Variants in VOPP1 observed in about 807,000 individuals in gnomAD.
The protein encoded by VOPP1 is VOPP1 WW domain binding protein.
A neutral mutation model predicts 23.5 loss-of-function variants in VOPP1; 8 were observed. The observed-to-expected ratio is 0.34, with a 90% CI of 0.20 to 0.61. The LOEUF is 0.61. VOPP1 is among the 20% of genes least tolerant of loss of function. The pLI is 0.78. For missense variants in VOPP1, 174 were observed against 238.1 expected, an observed-to-expected ratio of 0.73 and a Z score of 1.77; for synonymous variants, 83 against 97.3, an observed-to-expected ratio of 0.85 and a Z score of 0.86.
At chr7:55,525,210 G>T (rs534489464) in intron 1 of VOPP1, among the ~76,000 whole-genome samples, 4 of 152,060 alleles carry the variant, frequency 2.6e-5, no homozygotes, top group African/African-American at 7.2e-5. Flanking sequence ...CAGACTCTCG[G>T]CCGGGCGCGG....
At chr7:55,459,279 A>G (rs1417365773) in intron 4 of VOPP1, among the ~76,000 whole-genome samples, 1 of 152,034 alleles carries the variant, frequency 6.6e-6, no homozygotes, top group Admixed American at 6.6e-5. Context: ...GCTTGCTAGC[A>G]TTTTGTTGAT....
chr7:55,555,728 C>T (rs948643618), intron 1 of VOPP1, among the ~76,000 whole-genome samples: 8 of 152,162 alleles, frequency 5.3e-5, no homozygotes, highest in Admixed American at 6.5e-5. Flanking sequence ...ACTGACACAG[C>T]AGGAGGCTCT....
At chr7:55,569,104 C>G (rs1584139486) in intron 1 of VOPP1, among the ~76,000 whole-genome samples, 2 of 152,308 alleles carry the variant, frequency 1.3e-5, no homozygotes, top group East Asian at 3.9e-4. Context: ...ACTGGCTGTG[C>G]ATGTAATTCA....
Position 55,552,572 on chromosome 7 carries a change from AG to A in VOPP1, c.54+19698del, listed in dbSNP as rs1406276040. 3 of 1,533,176 alleles carry A rather than the reference AG, an allele frequency of 2.0e-6. No individual in the cohort carries two copies. The Admixed American group carries it at 5.9e-5, about 30-fold the overall frequency. The allele number at this position is 1,533,176 out of a possible 1,614,324, so 95.0% of individuals were successfully genotyped here. On this transcript the variant is annotated intron_variant, in intron 1 of 4. Coordinates refer to ENST00000285279, the MANE Select transcript of VOPP1 (RefSeq NM_030796.5). ...TTTCCCAGGGTGACAAATGAAGTCT[AG>A]GAAAACGCTAAGTGATTGATGCCTC...
chr7:55,503,691 G>A (rs1315726301), intron 2 of VOPP1, among the ~76,000 whole-genome samples: 1 of 152,152 alleles, frequency 6.6e-6, no homozygotes, highest in Admixed American at 6.5e-5. Flanking sequence ...ACAGGGTTGG[G>A]GGTCTCTGTA....
chr7:55,491,539 C>T (rs1218038070), intron 4 of VOPP1, among the ~76,000 whole-genome samples: 1 of 152,194 alleles, frequency 6.6e-6, no homozygotes, highest in African/African-American at 2.4e-5. Flanking sequence ...CTCTGATGAG[C>T]CGAGCCAGCC....
chr7:55,493,866 C>A (rs76839959), intron 3 of VOPP1, among the ~76,000 whole-genome samples: 70 of 152,274 alleles, frequency 4.6e-4, no homozygotes, highest in African/African-American at 1.6e-3. Context: ...CTATTTTAAT[C>A]ATTTTTAAGT....
intron 4 of VOPP1, among the ~76,000 whole-genome samples, chr7:55,473,663 C>T (rs1026055857): frequency 1.3e-5 from 2 of 152,206 alleles, no homozygotes; most frequent in African/African-American, 4.8e-5. Context: ...GCTGGACACC[C>T]GACCCCAAAT....
At chr7:55,521,737 G>A in intron 1 of VOPP1, 2 of 982,550 alleles carry the variant, frequency 2.0e-6, no homozygotes, top group Non-Finnish European at 2.4e-6. Flanking sequence ...CACAGGGCAG[G>A]GCAGGGCAGG....
chr7:55,537,577 C>T (rs1300716938), intron 1 of VOPP1: 1 of 1,535,836 alleles, frequency 6.5e-7, no homozygotes, highest in African/African-American at 1.4e-5. Context: ...CAGCCAGTCG[C>T]CCACGGTCCT....
intron 1 of VOPP1, chr7:55,562,100 A>G (rs2129056366): frequency 1.4e-6 from 1 of 702,502 alleles, no homozygotes; most frequent in Non-Finnish European, 2.6e-6. Flanking sequence ...TAATTGTTCG[A>G]AACTCCCTAC....
chr7:55,435,332 G>C (rs536143919), downstream of VOPP1, among the ~76,000 whole-genome samples: 1 of 152,342 alleles, frequency 6.6e-6, no homozygotes, highest in African/African-American at 2.4e-5. Flanking sequence ...TGGGCCAGCC[G>C]GGCTTCAAAG....
Position 55,498,024 on chromosome 7 carries a change from A to C in VOPP1, c.114-334T>G, listed in dbSNP as rs572919777. 1.6e-4 allele frequency among the ~76,000 whole-genome samples: 24 copies of C among 152,336 alleles called. No homozygotes were observed. The East Asian group carries it at 4.2e-3, about 27-fold the overall frequency. On this transcript the variant is annotated intron_variant, in intron 2 of 4. Transcript: ENST00000285279. ...GCCTACCAGGACTGCTGCTGGGAGG[A>C]GGCTCCACAGGAGCCCAGCACCCAC...
downstream of VOPP1, among the ~76,000 whole-genome samples, chr7:55,435,027 C>A (rs1220573004): frequency 6.6e-6 from 1 of 152,168 alleles, no homozygotes; most frequent in Non-Finnish European, 1.5e-5. Context: ...GTTTAAAGTC[C>A]AGGTTCCCTA....
At chr7:55,563,128 T>C (rs763277857) in intron 1 of VOPP1, among the ~76,000 whole-genome samples, 2 of 152,232 alleles carry the variant, frequency 1.3e-5, no homozygotes, top group Non-Finnish European at 2.9e-5. Context: ...ATAAATCAAT[T>C]AGTCTTTTTA....
At chr7:55,503,613 G>A (rs868670956) in intron 2 of VOPP1, among the ~76,000 whole-genome samples, 10 of 152,322 alleles carry the variant, frequency 6.6e-5, no homozygotes, top group East Asian at 5.8e-4. Context: ...AGGCTACCCC[G>A]CAATGGGATG....
intron 1 of VOPP1, among the ~76,000 whole-genome samples, chr7:55,530,156 T>C (rs1796419304): frequency 6.6e-6 from 1 of 152,146 alleles, no homozygotes; most frequent in Non-Finnish European, 1.5e-5. Context: ...ACCTAACTTG[T>C]TGAGAGACTG....
intron 4 of VOPP1, among the ~76,000 whole-genome samples, chr7:55,483,922 A>C (rs182792362): frequency 6.6e-6 from 1 of 152,082 alleles, no homozygotes; most frequent in Non-Finnish European, 1.5e-5. Flanking sequence ...ATGCCTGGCT[A>C]ATTTTTGTAT....
At chr7:55,540,564 G>A (rs1280009867) in intron 1 of VOPP1, among the ~76,000 whole-genome samples, 1 of 152,168 alleles carries the variant, frequency 6.6e-6, no homozygotes, top group East Asian at 1.9e-4. Flanking sequence ...CAACATTGCT[G>A]TGCTTCTGTT....
Sources: gnomAD v4.1 joint callset for allele counts (sites outside exome capture counted in the v4.1 genomes callset) on GRCh38, gnomAD v4.1.1 for gene constraint, MANE v1.5 for transcripts, NCBI Gene and HGNC (gene_info 2026-07-23, HGNC 2026-07-21) for gene names.